The following MAGI2 variants were observed in gnomAD, a reference collection of about 807,000 sequenced individuals.
MAGI2 encodes the protein membrane associated guanylate kinase, WW and PDZ domain containing 2, also known as membrane-associated guanylate kinase, WW and PDZ domain-containing protein 2.
MAGI2 carries 35 observed loss-of-function variants against 133.3 expected under a neutral mutation model. The observed-to-expected ratio is 0.26, with a 90% CI of 0.20 to 0.35. MAGI2 has a LOEUF of 0.35. Among genes scored for constraint, MAGI2 ranks in the 10% least tolerant of loss-of-function variants. The pLI, the probability that MAGI2 is intolerant of heterozygous loss-of-function variation, is 1.00. For missense variants in MAGI2, 1,636 were observed against 1,863.4 expected (o/e 0.88, Z 2.25); for synonymous variants, 729 against 710.6 (o/e 1.03, Z -0.41).
intron 2 of MAGI2, among the ~76,000 whole-genome samples, chr7:78,992,971 T>C (rs944030010): frequency 1.3e-5 from 2 of 151,630 alleles, no homozygotes; most frequent in African/African-American, 4.9e-5. Flanking sequence ...CTGAAAGCAA[T>C]TTTTGTCAAT....
At chr7:79,062,460 C>T (rs1813850066) in intron 1 of MAGI2, among the ~76,000 whole-genome samples, 1 of 152,094 alleles carries the variant, frequency 6.6e-6, no homozygotes, top group Non-Finnish European at 1.5e-5. Flanking sequence ...CTGGCTCCTC[C>T]CTGTCATCCT....
chr7:78,573,037 A>ATATG (rs1801688042), intron 3 of MAGI2, among the ~76,000 whole-genome samples: 1 of 18,956 alleles, frequency 5.3e-5, no homozygotes, highest in Non-Finnish European at 7.8e-5. Context: ...ATATGTATGT[A>ATATG]TATATATATA....
At chr7:78,711,584 C>T (rs543012903) in intron 2 of MAGI2, among the ~76,000 whole-genome samples, 28 of 136,456 alleles carry the variant, frequency 2.1e-4, no homozygotes, top group African/African-American at 7.4e-4. Flanking sequence ...CAAAAATTTC[C>T]ATGATCAAGG....
At chr7:78,219,515 T>G (rs1374497236) in intron 10 of MAGI2, among the ~76,000 whole-genome samples, 1 of 152,152 alleles carries the variant, frequency 6.6e-6, no homozygotes, top group East Asian at 1.9e-4. Flanking sequence ...TCAGGGCCTC[T>G]CGTACTACTG....
rs546895131 is a variant in MAGI2 at position 78,980,303 on chromosome 7, CACAA to C, written c.418+26783_418+26786del. ...TAAAAATCAGCTATAATTATTATTACACAAACAAAGTAGAGTTAACAAGGCAAAC... is the reference window on the plus strand; with the variant it reads ...TAAAAATCAGCTATAATTATTATTACACAAAGTAGAGTTAACAAGGCAAAC... On this transcript the variant is annotated intron_variant, in intron 2 of 21. Coordinates refer to ENST00000354212, the MANE Select transcript of MAGI2 (RefSeq NM_012301.4). Among the ~76,000 whole-genome samples, 26 of 151,974 alleles carry C rather than the reference CACAA, an allele frequency of 1.7e-4. No individual in the cohort carries two copies. In the South Asian group the frequency reaches 3.5e-3, roughly 21 times the overall value.
At chr7:78,963,037 C>T (rs1290795409) in intron 2 of MAGI2, among the ~76,000 whole-genome samples, 1 of 152,006 alleles carries the variant, frequency 6.6e-6, no homozygotes, top group Non-Finnish European at 1.5e-5. Flanking sequence ...TTCACTTGCT[C>T]CCTCAAACTT....
At chr7:78,392,322 G>C (rs1190316918) in intron 6 of MAGI2, among the ~76,000 whole-genome samples, 1 of 152,132 alleles carries the variant, frequency 6.6e-6, no homozygotes, top group African/African-American at 2.4e-5. Context: ...AAATAGAAGT[G>C]GGGGCTGTTA....
intron 1 of MAGI2, among the ~76,000 whole-genome samples, chr7:79,011,569 A>T (rs901004716): frequency 2.0e-5 from 3 of 152,102 alleles, no homozygotes; most frequent in Non-Finnish European, 4.4e-5. Context: ...AGCGTACCTT[A>T]TAAACTTTTA....
intron 9 of MAGI2, among the ~76,000 whole-genome samples, chr7:78,293,547 C>A (rs941500494): frequency 2.0e-5 from 3 of 152,006 alleles, no homozygotes; most frequent in African/African-American, 7.2e-5. Flanking sequence ...AGGATCTAGA[C>A]CTAGAAATAC....
At chr7:78,765,441 C>G (rs940813544) in intron 2 of MAGI2, among the ~76,000 whole-genome samples, 2 of 147,080 alleles carry the variant, frequency 1.4e-5, no homozygotes, top group Non-Finnish European at 3.0e-5. Flanking sequence ...CTCTGCCTCC[C>G]GGGTTCAAGC....
At chr7:78,167,151 T>G (rs1825698360) in intron 15 of MAGI2, among the ~76,000 whole-genome samples, 1 of 152,106 alleles carries the variant, frequency 6.6e-6, no homozygotes, top group Non-Finnish European at 1.5e-5. Context: ...GCTGGGTGGT[T>G]CTGAGGGGAG....
chr7:78,685,457 G>T (rs1585080039), intron 2 of MAGI2, among the ~76,000 whole-genome samples: 1 of 109,096 alleles, frequency 9.2e-6, no homozygotes. Context: ...CCTTCAATTT[G>T]TCATTGTCGT....
chr7:78,325,258 T>C (rs1788465969), intron 9 of MAGI2, among the ~76,000 whole-genome samples: 1 of 152,118 alleles, frequency 6.6e-6, no homozygotes, highest in Non-Finnish European at 1.5e-5. Flanking sequence ...AAGGGAATCA[T>C]AAAACACTCA....
intron 2 of MAGI2, among the ~76,000 whole-genome samples, chr7:78,837,584 A>G (rs1353363871): frequency 6.6e-6 from 1 of 152,168 alleles, no homozygotes; most frequent in Non-Finnish European, 1.5e-5. Flanking sequence ...ACCAGTATAT[A>G]GCATATGTAA....
chr7:79,040,530 C>A (rs1811561834), intron 1 of MAGI2, among the ~76,000 whole-genome samples: 1 of 152,040 alleles, frequency 6.6e-6, no homozygotes, highest in African/African-American at 2.4e-5. Flanking sequence ...TAGAAGGAAA[C>A]AGTTGGTGTT....
rs201473728 is a variant in MAGI2, at chr7:78,256,110, C to T, written c.1880G>A (p.Arg627Gln). The change falls in exon 10 of 22, where the codon CGG becomes CAG. Residue 627 changes from arginine to glutamine, a missense_variant. Physicochemically the swap from Arg to Gln is conservative, Grantham distance 43. Coordinates refer to ENST00000354212, the MANE Select transcript of MAGI2 (RefSeq NM_012301.4). Reference protein sequence around the residue: ...FTIADSPTGQRVKQILDIQGC... With the variant: ...FTIADSPTGQQVKQILDIQGC... Reference sequence around the variant, plus strand: ...CTGAATGTCAAGTATTTGTTTCACCCGCTGTCCTGTAGGACTGTCGGCAAT... The same window carrying T: ...CTGAATGTCAAGTATTTGTTTCACCTGCTGTCCTGTAGGACTGTCGGCAAT... 31 of 1,613,614 alleles carry T rather than the reference C, an allele frequency of 1.9e-5. No homozygotes were observed. Among genetic ancestry groups the T allele is most frequent in the African/African-American group, 2.7e-5 (2 of 74,910 alleles).
chr7:78,613,194 T>C (rs1395930230), intron 3 of MAGI2, among the ~76,000 whole-genome samples: 1 of 152,130 alleles, frequency 6.6e-6, no homozygotes, highest in Non-Finnish European at 1.5e-5. Flanking sequence ...TTTCTGAACA[T>C]ATAACATGCC....
At chr7:79,001,837 T>A (rs1041509900) in intron 2 of MAGI2, among the ~76,000 whole-genome samples, 5 of 152,208 alleles carry the variant, frequency 3.3e-5, no homozygotes, top group African/African-American at 1.2e-4. Context: ...GATGAAACAA[T>A]CCTGTTTAAT....
chr7:78,411,422 C>G (rs1797862503), intron 6 of MAGI2, among the ~76,000 whole-genome samples: 1 of 151,974 alleles, frequency 6.6e-6, no homozygotes, highest in South Asian at 2.1e-4. Context: ...ATAAACTTTT[C>G]TTAATACTTA....
Sources: allele counts gnomAD v4.1 joint callset (sites outside exome capture counted in the v4.1 genomes callset), GRCh38; gene constraint gnomAD v4.1.1; transcripts MANE v1.5; gene names NCBI Gene and HGNC (gene_info 2026-07-23, HGNC 2026-07-21).